TNS3: variants seen among roughly 807,000 people sequenced by gnomAD.
TNS3 encodes the protein tensin-3.
Under a neutral mutation model 140.9 loss-of-function variants are expected in TNS3, and 45 were observed. That is an observed-to-expected ratio of 0.32 (90% confidence interval 0.25 to 0.41). The LOEUF (loss-of-function observed/expected upper bound fraction) is 0.41. TNS3 is among the 10% of genes least tolerant of loss of function. The pLI is 1.00. For missense variants in TNS3, 1,716 were observed against 1,906.7 expected (o/e 0.90, Z 1.86); for synonymous variants, 815 against 788.4 (o/e 1.03, Z -0.56).
At position 47,487,727 on chromosome 7, in the gene TNS3, T is replaced by TATCA. The variant is rs879444323; in HGVS notation, c.-114-6587_-114-6586insTGAT. On this transcript the variant is annotated intron_variant, in intron 3 of 30. Transcript: ENST00000311160. ...TTAAGCCAAGTACAGAGACATCACC[T>TATCA]TATGCACAAGTTCTATCATACATAA... 6.9e-3 allele frequency among the ~76,000 whole-genome samples: 1,051 copies of TATCA among 152,302 alleles called. 6 individuals carry two copies. Among genetic ancestry groups the TATCA allele is most frequent in the Non-Finnish European group, 0.012 (833 of 68,032 alleles).
At chr7:47,287,678 A>G (rs2150581007) in intron 27 of TNS3, among the ~76,000 whole-genome samples, 1 of 152,340 alleles carries the variant, frequency 6.6e-6, no homozygotes, top group East Asian at 1.9e-4. Context: ...TCCTCTGGTG[A>G]CAGATCTGCT....
intron 3 of TNS3, among the ~76,000 whole-genome samples, chr7:47,484,404 A>T (rs975184568): frequency 1.3e-5 from 2 of 152,186 alleles, no homozygotes; most frequent in African/African-American, 4.8e-5. Flanking sequence ...CCAGGACAGG[A>T]AGTCCCTGAA....
rs563018891 is a variant in TNS3, at chr7:47,452,178, A to T, written c.-75-10123T>A. Among the ~76,000 whole-genome samples the T allele has an allele frequency of 8.5e-4, 129 of 152,360 alleles. No individual in the cohort carries two copies. In the Middle Eastern group the frequency reaches 0.014, roughly 16 times the overall value. The stretch of plus-strand genomic sequence containing the variant: ...CTGTGAGGCCCTGGAAATGCACTTT[A>T]TCCACAAGTTATTAGGATCCCCCTT... On this transcript the variant is annotated intron_variant, in intron 4 of 30. Coordinates refer to ENST00000311160, the MANE Select transcript of TNS3 (RefSeq NM_022748.12).
chr7:47,563,873 G>A (rs1252350752), intron 1 of TNS3, among the ~76,000 whole-genome samples: 3 of 152,190 alleles, frequency 2.0e-5, no homozygotes, highest in Non-Finnish European at 4.4e-5. Context: ...CAGTCTAGAT[G>A]TTGCATGAGG....
At chr7:47,344,903 C>T (rs1789242094) in intron 19 of TNS3, 21 bp downstream of exon 19, 2 of 1,613,264 alleles carry the variant, frequency 1.2e-6, no homozygotes, top group Non-Finnish European at 1.7e-6. Context: ...GCACATGCAG[C>T]TAGTGTTACT....
At chr7:47,384,847 C>T (rs371782858) in intron 16 of TNS3, among the ~76,000 whole-genome samples, 12 of 152,218 alleles carry the variant, frequency 7.9e-5, no homozygotes, top group Non-Finnish European at 1.2e-4. Context: ...CTGTCTCCCT[C>T]GCCTGTGGCC....
At chr7:47,369,659 G>A in intron 16 of TNS3, 38 bp from the exon 17 acceptor site, 1 of 1,520,202 alleles carries the variant, frequency 6.6e-7, no homozygotes, top group East Asian at 2.3e-5. Flanking sequence ...TTTCAGTCAG[G>A]GATGAAAGTG....
rs1785270753 is a variant in TNS3 at position 47,283,826 on chromosome 7, G to C, written c.3968C>G (p.Ser1323Cys). 6.2e-7 allele frequency: 1 copy of C among 1,610,324 alleles called. No homozygotes were observed. The highest frequency in any genetic ancestry group is 8.5e-7 in the Non-Finnish European group (1 of 1,178,312). Residue 1323 changes from serine (S) to cysteine (C), a missense_variant, in exon 28 of 31, where the codon TCC becomes TGC. Ser to Cys is a moderately radical substitution (Grantham distance 112, BLOSUM62 -1). Coordinates refer to ENST00000311160, the MANE Select transcript of TNS3 (RefSeq NM_022748.12). ...CTGGATCGCCTGGTGGCCGGTGAGGGACTCCATCTCCACAGAGTTCAAGTA... is the reference window on the plus strand; with the variant it reads ...CTGGATCGCCTGGTGGCCGGTGAGGCACTCCATCTCCACAGAGTTCAAGTA... ...VWYLNSVEME[S>C]LTGHQAIQKA...
At chr7:47,413,686 C>T (rs761547473) in intron 12 of TNS3, among the ~76,000 whole-genome samples, 10 of 152,062 alleles carry the variant, frequency 6.6e-5, no homozygotes, top group Non-Finnish European at 1.0e-4. Flanking sequence ...CCAGCCCCCA[C>T]GTCCTTTAAT....
At chr7:47,444,064 C>T (rs1003573324) in intron 4 of TNS3, among the ~76,000 whole-genome samples, 7 of 152,198 alleles carry the variant, frequency 4.6e-5, no homozygotes, top group Non-Finnish European at 8.8e-5. Flanking sequence ...ACATGTAACA[C>T]TCAAATTCAA....
At chr7:47,339,824 A>T (rs958716761) in intron 20 of TNS3, among the ~76,000 whole-genome samples, 2 of 151,856 alleles carry the variant, frequency 1.3e-5, no homozygotes, top group Non-Finnish European at 2.9e-5. Flanking sequence ...TGAAAACAGT[A>T]TGTCTCCCCA....
intron 12 of TNS3, among the ~76,000 whole-genome samples, chr7:47,412,168 C>T (rs905853908): frequency 2.6e-5 from 4 of 152,134 alleles, no homozygotes; most frequent in African/African-American, 9.7e-5. Context: ...GCACAGAGGG[C>T]CCAGAGCAAA....
At chr7:47,351,971 C>G (rs1173500487) in intron 17 of TNS3, among the ~76,000 whole-genome samples, 1 of 152,162 alleles carries the variant, frequency 6.6e-6, no homozygotes, top group African/African-American at 2.4e-5. Context: ...CACCCACACA[C>G]TTGCAGACAC....
At chr7:47,387,378 C>T (rs1427148682) in intron 16 of TNS3, among the ~76,000 whole-genome samples, 1 of 152,166 alleles carries the variant, frequency 6.6e-6, no homozygotes, top group South Asian at 2.1e-4. Flanking sequence ...TGTTGTTACT[C>T]CTAAGGTCAA....
intron 1 of TNS3, among the ~76,000 whole-genome samples, chr7:47,534,266 C>T (rs1333069853): frequency 6.6e-6 from 1 of 151,800 alleles, no homozygotes. Context: ...CAGAGTGAGA[C>T]TCCATCTCAA....
rs1792303124 is a variant in TNS3, at chr7:47,389,072, GAA to G, written c.1024+7726_1024+7727del. ...AGAAGAAGAAGAAGAAGAAGAAGAAGAAGAAGAAGAAGAGGAAGAGGAAGAGG... is the reference window on the plus strand; with the variant it reads ...AGAAGAAGAAGAAGAAGAAGAAGAAGGAAGAAGAAGAGGAAGAGGAAGAGG... On this transcript the variant is annotated intron_variant, in intron 16 of 30. Transcript: ENST00000311160. Among the ~76,000 whole-genome samples the G allele has an allele frequency of 3.4e-4, 24 of 70,096 alleles. 2 individuals are homozygous for G. The highest frequency in any genetic ancestry group is 1.6e-3 in the African/African-American group (24 of 15,110). The allele number at this position is 70,096 out of a possible 152,430, so 46.0% of individuals were successfully genotyped here.
At chr7:47,473,915 T>C (rs1423762189) in intron 4 of TNS3, among the ~76,000 whole-genome samples, 2 of 152,306 alleles carry the variant, frequency 1.3e-5, no homozygotes, top group Non-Finnish European at 2.9e-5. Flanking sequence ...ATCCATTTGG[T>C]CAGCATTCTT....
At position 47,275,999 on chromosome 7, in the gene TNS3, G is replaced by A. The variant is rs190294673; in HGVS notation, c.*2077C>T. The A allele has an allele frequency of 5.0e-3, 1,916 of 382,422 alleles. 11 individuals carry two copies. Among genetic ancestry groups the A allele is most frequent in the Non-Finnish European group, 7.4e-3 (1,418 of 191,484 alleles). 23.7% of individuals were successfully genotyped at this position (382,422 alleles called of 1,614,324 possible). A position where few individuals can be genotyped will look rare whatever the true frequency, so the allele number is the denominator to read the frequency against. ...ATAAGGAACCTGGCCTGCACTCTTT[G>A]GGTTAAACATGGGTAGAGACCGTCT... On this transcript the variant is annotated 3_prime_UTR_variant, in exon 31 of 31. Transcript: ENST00000311160.
chr7:47,327,705 T>C (rs1788100480), intron 20 of TNS3, among the ~76,000 whole-genome samples: 1 of 152,152 alleles, frequency 6.6e-6, no homozygotes, highest in African/African-American at 2.4e-5. Flanking sequence ...GGCTGGGGCG[T>C]TTTGTCCCAA....
Sources: allele counts gnomAD v4.1 joint callset (sites outside exome capture counted in the v4.1 genomes callset), GRCh38; gene constraint gnomAD v4.1.1; transcripts MANE v1.5; gene names NCBI Gene and HGNC (gene_info 2026-07-23, HGNC 2026-07-21).